MDFIC: variants seen among roughly 807,000 people sequenced by gnomAD.
MDFIC encodes the protein myoD family inhibitor domain-containing protein.
MDFIC carries 17 observed loss-of-function variants against 23.2 expected under a neutral mutation model. The ratio of observed to expected loss-of-function variants is 0.73; its 90% CI spans 0.50 to 1.10. MDFIC has a LOEUF of 1.10. MDFIC is among the 50% of genes least tolerant of loss of function. The pLI is 0.00. For synonymous variants in MDFIC, 120 were observed against 115.2 expected (o/e 1.04, Z -0.27); for missense variants, 356 against 316.6 (o/e 1.12, Z -0.95).
chr7:114,963,974 G>T (rs1793043356), intron 3 of MDFIC, among the ~76,000 whole-genome samples: 1 of 152,164 alleles, frequency 6.6e-6, no homozygotes, highest in Non-Finnish European at 1.5e-5. Context: ...TCCGGTAAAA[G>T]AATGCATAAT....
intron 3 of MDFIC, among the ~76,000 whole-genome samples, chr7:114,946,717 G>A (rs994139182): frequency 1.3e-5 from 2 of 152,146 alleles, no homozygotes; most frequent in African/African-American, 4.8e-5. Context: ...TAGAACGCAA[G>A]CTCTTCTCCG....
chr7:114,948,527 T>C (rs1020508742), intron 3 of MDFIC, among the ~76,000 whole-genome samples: 1 of 152,114 alleles, frequency 6.6e-6, no homozygotes, highest in Non-Finnish European at 1.5e-5. Flanking sequence ...CCTCCCTGCC[T>C]TTTGCATCCC....
At chr7:114,939,241 G>A (rs1350534393) in intron 2 of MDFIC, among the ~76,000 whole-genome samples, 2 of 152,160 alleles carry the variant, frequency 1.3e-5, no homozygotes, top group African/African-American at 4.8e-5. Context: ...TGGAGAATTG[G>A]CAAAAGTCAA....
At chr7:114,976,501 C>T (rs1292461507) in intron 3 of MDFIC, among the ~76,000 whole-genome samples, 1 of 152,056 alleles carries the variant, frequency 6.6e-6, no homozygotes, top group African/African-American at 2.4e-5. Flanking sequence ...ATTGCACACC[C>T]GTAGAAATAG....
intron 4 of MDFIC, among the ~76,000 whole-genome samples, chr7:114,987,795 G>T (rs1171941513): frequency 6.6e-6 from 1 of 151,950 alleles, no homozygotes. Flanking sequence ...TAAATTAGCT[G>T]TCTTTTTTTA....
At chr7:114,942,528 T>C in intron 3 of MDFIC, 131 bp downstream of exon 3, 1 of 664,060 alleles carries the variant, frequency 1.5e-6, no homozygotes, top group Non-Finnish European at 2.3e-6. Context: ...GTGGTTTCAT[T>C]TGTATTTTAA....
intron 4 of MDFIC, among the ~76,000 whole-genome samples, chr7:115,005,057 G>T (rs542169748): frequency 6.6e-6 from 1 of 152,300 alleles, no homozygotes; most frequent in Admixed American, 6.5e-5. Context: ...TCAAGGCCAA[G>T]AAAATACCCT....
intron 4 of MDFIC, among the ~76,000 whole-genome samples, chr7:114,984,293 T>C (rs1200973960): frequency 6.6e-6 from 1 of 152,144 alleles, no homozygotes; most frequent in Non-Finnish European, 1.5e-5. Context: ...TACTAGACTG[T>C]GAATTCCTGA....
Position 115,017,252 on chromosome 7 carries a change from TATC to T in MDFIC, c.*1320_*1322del, listed in dbSNP as rs1262586051. The T allele has an allele frequency of 6.6e-6, 1 of 152,200 alleles. No homozygotes were observed. Among genetic ancestry groups the T allele is most frequent in the Non-Finnish European group, 1.5e-5 (1 of 68,016 alleles). 9.4% of individuals were successfully genotyped at this position (152,200 alleles called of 1,614,324 possible). A position where few individuals can be genotyped will look rare whatever the true frequency, so the allele number is the denominator to read the frequency against. ...ATTTTCTTACACATAATTTAAATGT[TATC>T]ATACTTTTTTGATGAAAACATAATG... On this transcript the variant is annotated 3_prime_UTR_variant, in exon 5 of 5. Coordinates refer to ENST00000393486, the MANE Select transcript of MDFIC (RefSeq NM_001166345.3).
chr7:114,925,456 T>C (rs1469111019), intron 2 of MDFIC, among the ~76,000 whole-genome samples: 1 of 152,208 alleles, frequency 6.6e-6, no homozygotes, highest in African/African-American at 2.4e-5. Context: ...GAGCATACTC[T>C]TCCTCCTTAA....
intron 2 of MDFIC, among the ~76,000 whole-genome samples, chr7:114,927,564 A>T (rs913133874): frequency 2.6e-5 from 4 of 152,144 alleles, no homozygotes; most frequent in African/African-American, 9.7e-5. Flanking sequence ...AATATAAAAG[A>T]AATGCAAAAG....
At chr7:114,994,235 A>G (rs575445849) in intron 4 of MDFIC, among the ~76,000 whole-genome samples, 2 of 152,040 alleles carry the variant, frequency 1.3e-5, no homozygotes, top group East Asian at 3.9e-4. Flanking sequence ...TTTTGAGCCT[A>G]TGTGTGTCTC....
rs189568149 is a variant in MDFIC at position 114,966,159 on chromosome 7, T to G, written c.218-13347T>G. On this transcript the variant is annotated intron_variant, in intron 3 of 4. Coordinates refer to ENST00000393486, the MANE Select transcript of MDFIC (RefSeq NM_001166345.3). ...TAATGAAAGCAATCTTTTGAGCAAA[T>G]TTAGAAAATAAATTTAGTTTTGGTA... 2.0e-5 allele frequency among the ~76,000 whole-genome samples: 3 copies of G among 152,316 alleles called. No individual in the cohort carries two copies. The East Asian group carries it at 5.8e-4, about 29-fold the overall frequency.
At chr7:114,996,280 G>C (rs1272178039) in intron 4 of MDFIC, among the ~76,000 whole-genome samples, 1 of 152,196 alleles carries the variant, frequency 6.6e-6, no homozygotes, top group Admixed American at 6.5e-5. Flanking sequence ...CAGTGATGGA[G>C]GTGATGAGAT....
chr7:114,956,625 C>A (rs372091602), intron 3 of MDFIC, among the ~76,000 whole-genome samples: 5 of 151,998 alleles, frequency 3.3e-5, no homozygotes, highest in African/African-American at 1.2e-4. Flanking sequence ...ATAGTCATAT[C>A]CTTTTGTGTG....
intron 2 of MDFIC, among the ~76,000 whole-genome samples, chr7:114,927,141 T>G (rs1319128239): frequency 6.6e-6 from 1 of 152,156 alleles, no homozygotes; most frequent in Non-Finnish European, 1.5e-5. Context: ...ACTGCTATCC[T>G]TGAGGCAACT....
At chr7:114,968,546 C>T (rs1793147654) in intron 3 of MDFIC, among the ~76,000 whole-genome samples, 1 of 152,132 alleles carries the variant, frequency 6.6e-6, no homozygotes, top group Admixed American at 6.6e-5. Flanking sequence ...AGAAACTCAC[C>T]AGGATTTTCT....
chr7:114,927,777 G>A (rs1258630551), intron 2 of MDFIC, among the ~76,000 whole-genome samples: 1 of 152,126 alleles, frequency 6.6e-6, no homozygotes, highest in African/African-American at 2.4e-5. Flanking sequence ...CATAGAAACA[G>A]AGGGATAAAT....
intron 4 of MDFIC, chr7:114,980,091 AGTGT>A (rs764608278): frequency 4.6e-5 from 17 of 368,578 alleles, no homozygotes; most frequent in Non-Finnish European, 7.7e-5. Context: ...GGCATACATG[AGTGT>A]GTGTGTGTAT....
Sources: allele counts gnomAD v4.1 joint callset (sites outside exome capture counted in the v4.1 genomes callset), GRCh38; gene constraint gnomAD v4.1.1; transcripts MANE v1.5; gene names NCBI Gene and HGNC (gene_info 2026-07-23, HGNC 2026-07-21).